The following NRXN3 variants were observed in gnomAD, a reference collection of about 807,000 sequenced individuals.
NRXN3 encodes neurexin III.
Under a neutral mutation model 137.6 loss-of-function variants are expected in NRXN3, and 32 were observed. The observed-to-expected ratio is 0.23, with a 90% CI of 0.18 to 0.31. The LOEUF is 0.31. Among genes scored for constraint, NRXN3 ranks in the 10% least tolerant of loss-of-function variants. The pLI, the probability that NRXN3 is intolerant of heterozygous loss-of-function variation, is 1.00. For missense variants in NRXN3, 1,574 were observed against 2,062.5 expected, an observed-to-expected ratio of 0.76 and a Z score of 4.59; for synonymous variants, 798 against 784.5, an observed-to-expected ratio of 1.02 and a Z score of -0.29.
At chr14:79,338,842 GTGTT>G (rs539612915) in intron 15 of NRXN3, among the ~76,000 whole-genome samples, 27 of 152,176 alleles carry the variant, frequency 1.8e-4, no homozygotes, top group African/African-American at 6.3e-4. Context: ...AACTATTTTT[GTGTT>G]TGTTTGTTAA....
At chr14:78,933,264 T>G (rs1335168336) in intron 10 of NRXN3, among the ~76,000 whole-genome samples, 2 of 152,214 alleles carry the variant, frequency 1.3e-5, no homozygotes, top group African/African-American at 2.4e-5. Flanking sequence ...GAAGAATGCA[T>G]GAAAATATAA....
chr14:79,470,919 T>TGAGAGA (rs879935930), intron 16 of NRXN3, among the ~76,000 whole-genome samples: 2 of 131,346 alleles, frequency 1.5e-5, no homozygotes, highest in Admixed American at 7.6e-5. Context: ...TGTGTGTGTG[T>TGAGAGA]GAGAGAGAGA....
chr14:79,046,389 A>T (rs948821059), intron 15 of NRXN3, among the ~76,000 whole-genome samples: 2 of 152,238 alleles, frequency 1.3e-5, no homozygotes, highest in African/African-American at 4.8e-5. Flanking sequence ...AGAAGCTCAT[A>T]TCAGCAAGGA....
At chr14:79,463,306 G>A (rs866343289) in intron 15 of NRXN3, among the ~76,000 whole-genome samples, 4 of 152,070 alleles carry the variant, frequency 2.6e-5, no homozygotes, top group South Asian at 2.1e-4. Context: ...CTTTATGATC[G>A]CATGGAAGAC....
At chr14:79,850,021 C>T (rs1240395677) in intron 20 of NRXN3, among the ~76,000 whole-genome samples, 1 of 152,134 alleles carries the variant, frequency 6.6e-6, no homozygotes, top group Non-Finnish European at 1.5e-5. Context: ...AGAAATGAGC[C>T]ATCCATTCTC....
intron 6 of NRXN3, among the ~76,000 whole-genome samples, chr14:78,691,242 A>C (rs965652225): frequency 6.6e-6 from 1 of 152,200 alleles, no homozygotes; most frequent in African/African-American, 2.4e-5. Flanking sequence ...CTTGGGTTAA[A>C]TATGTTTTCT....
intron 4 of NRXN3, among the ~76,000 whole-genome samples, chr14:78,516,858 C>T (rs183115782): frequency 2.0e-3 from 308 of 152,234 alleles, no homozygotes; most frequent in Non-Finnish European, 3.4e-3. Context: ...TGATCATTAA[C>T]ATTATATACA....
intron 15 of NRXN3, among the ~76,000 whole-genome samples, chr14:79,262,757 G>GA (rs1207775948): frequency 6.6e-6 from 1 of 152,186 alleles, no homozygotes; most frequent in Non-Finnish European, 1.5e-5. Context: ...AGCAAAGAGA[G>GA]AGTTCTGCAT....
At chr14:78,451,123 G>A (rs909120317) in intron 4 of NRXN3, among the ~76,000 whole-genome samples, 3 of 152,034 alleles carry the variant, frequency 2.0e-5, no homozygotes, top group Non-Finnish European at 4.4e-5. Flanking sequence ...ATTGCTGCAG[G>A]GTCCTTGAGT....
intron 16 of NRXN3, among the ~76,000 whole-genome samples, chr14:79,654,467 G>A (rs1348304840): frequency 6.6e-6 from 1 of 152,144 alleles, no homozygotes; most frequent in Non-Finnish European, 1.5e-5. Flanking sequence ...AGCTACTCAT[G>A]TCTGCTGTTG....
At chr14:79,761,022 A>C (rs1205062412) in intron 19 of NRXN3, among the ~76,000 whole-genome samples, 1 of 151,704 alleles carries the variant, frequency 6.6e-6, no homozygotes, top group Non-Finnish European at 1.5e-5. Context: ...ACATTTTAAT[A>C]CTTTGTGAAG....
At chr14:79,752,031 C>A (rs943015775) in intron 19 of NRXN3, among the ~76,000 whole-genome samples, 2 of 152,086 alleles carry the variant, frequency 1.3e-5, no homozygotes, top group African/African-American at 4.8e-5. Context: ...GTCTAAAATT[C>A]TCTTTTTTGG....
At chr14:78,926,726 T>C (rs1490160447) in intron 10 of NRXN3, among the ~76,000 whole-genome samples, 1 of 81,556 alleles carries the variant, frequency 1.2e-5, no homozygotes, top group Non-Finnish European at 2.2e-5. Flanking sequence ...TATAATTATA[T>C]ATAATATAAA....
chr14:79,705,539 A>T (rs538356411), intron 19 of NRXN3, among the ~76,000 whole-genome samples: 1 of 152,272 alleles, frequency 6.6e-6, no homozygotes, highest in Middle Eastern at 3.4e-3. Flanking sequence ...TCAGCAAATG[A>T]AAACAAAGTT....
chr14:78,786,441 A>G (rs996381342), intron 8 of NRXN3, among the ~76,000 whole-genome samples: 2 of 152,214 alleles, frequency 1.3e-5, no homozygotes, highest in African/African-American at 4.8e-5. Context: ...AAATCCAGGG[A>G]CAGTTTTTTA....
chr14:78,204,399 C>T (rs190873267), intron 1 of NRXN3, among the ~76,000 whole-genome samples: 223 of 151,530 alleles, frequency 1.5e-3, no homozygotes, highest in African/African-American at 5.0e-3. Flanking sequence ...CCTTTGTCAG[C>T]GTAATGCAGA....
chr14:79,683,558 A>C (rs2098681106), intron 17 of NRXN3, among the ~76,000 whole-genome samples: 1 of 152,190 alleles, frequency 6.6e-6, no homozygotes, highest in South Asian at 2.1e-4. Context: ...GTTTGAGGTA[A>C]ACTAAAATAA....
At chr14:79,345,504 C>A (rs2092824962) in intron 15 of NRXN3, among the ~76,000 whole-genome samples, 1 of 152,094 alleles carries the variant, frequency 6.6e-6, no homozygotes, top group Admixed American at 6.6e-5. Context: ...ATTCACAATG[C>A]CATGTCTTAG....
rs548713280 is a variant in NRXN3 at position 79,860,009 on chromosome 14, T to C, written c.4094-1333T>C. ...CAGTTATCCTGCTGACATAGATGCA[T>C]AGCAATCTTGGCCTTACAGTAGGGT... On this transcript the variant is annotated intron_variant, in intron 20 of 20. Coordinates refer to ENST00000335750, the MANE Select transcript of NRXN3 (RefSeq NM_001330195.2). 7.2e-5 allele frequency among the ~76,000 whole-genome samples: 11 copies of C among 152,304 alleles called. No homozygotes were observed. The South Asian group carries it at 2.1e-3, about 29-fold the overall frequency.
Sources: gnomAD v4.1 joint callset for allele counts (sites outside exome capture counted in the v4.1 genomes callset) on GRCh38, gnomAD v4.1.1 for gene constraint, MANE v1.5 for transcripts, NCBI Gene and HGNC (gene_info 2026-07-23, HGNC 2026-07-21) for gene names.